SLCO3A1: variants seen among roughly 807,000 people sequenced by gnomAD.
The protein encoded by SLCO3A1 is solute carrier organic anion transporter family member 3A1.
Under a neutral mutation model 63.1 loss-of-function variants are expected in SLCO3A1, and 27 were observed. The observed-to-expected ratio is 0.43, with a 90% CI of 0.32 to 0.59. The LOEUF is 0.59. SLCO3A1 is among the 20% of genes least tolerant of loss of function. The probability of loss-of-function intolerance (pLI) is 0.09; values close to 1 mark genes in which losing one functional copy is unlikely to be tolerated. For missense variants in SLCO3A1, 773 were observed against 945.8 expected, an observed-to-expected ratio of 0.82 and a Z score of 2.40; for synonymous variants, 473 against 409.9, an observed-to-expected ratio of 1.15 and a Z score of -1.86.
intron 2 of SLCO3A1, among the ~76,000 whole-genome samples, chr15:92,091,479 A>T (rs2047475599): frequency 1.3e-5 from 2 of 152,220 alleles, no homozygotes; most frequent in Admixed American, 1.3e-4. Context: ...ACAGCCTGGC[A>T]GGATGAATTA....
rs796843750 is a variant in SLCO3A1, at chr15:92,022,117, T to C, written c.647-72764T>C. Among the ~76,000 whole-genome samples the C allele has an allele frequency of 5.3e-5, 8 of 152,318 alleles. No individual in the cohort carries two copies. The East Asian group carries it at 9.6e-4, about 18-fold the overall frequency. On this transcript the variant is annotated intron_variant, in intron 2 of 9. Transcript: ENST00000318445. ...ATCCTGATGAGCCTTTTAGGGGAGA[T>C]AAAACATCAGTAATATTCAAGTGAT...
intron 2 of SLCO3A1, among the ~76,000 whole-genome samples, chr15:92,044,250 G>A (rs187080973): frequency 3.3e-5 from 5 of 152,028 alleles, no homozygotes; most frequent in South Asian, 2.1e-4. Flanking sequence ...CCCTGCCTGC[G>A]TCTGCTCTTC....
At chr15:92,141,929 C>T (rs910513256) in intron 7 of SLCO3A1, among the ~76,000 whole-genome samples, 3 of 152,230 alleles carry the variant, frequency 2.0e-5, no homozygotes, top group African/African-American at 7.2e-5. Context: ...GGTTGCAGGG[C>T]TGCCCCAGCC....
intron 2 of SLCO3A1, among the ~76,000 whole-genome samples, chr15:92,067,213 C>T (rs537830896): frequency 5.9e-5 from 9 of 152,328 alleles, no homozygotes; most frequent in African/African-American, 9.6e-5. Flanking sequence ...GAGCCCTGTA[C>T]ACCATGCAGG....
At chr15:92,140,636 G>T (rs2048118798) in intron 7 of SLCO3A1, among the ~76,000 whole-genome samples, 1 of 152,138 alleles carries the variant, frequency 6.6e-6, no homozygotes, top group African/African-American at 2.4e-5. Context: ...AGGTCACTCA[G>T]GACTTGCTTT....
intron 2 of SLCO3A1, among the ~76,000 whole-genome samples, chr15:92,081,235 C>G (rs2047341569): frequency 6.6e-6 from 1 of 152,130 alleles, no homozygotes; most frequent in South Asian, 2.1e-4. Context: ...CCCCACCTCC[C>G]CTGCCCCCTT....
chr15:91,880,617 C>A (rs1035744908), intron 1 of SLCO3A1, among the ~76,000 whole-genome samples: 2 of 151,020 alleles, frequency 1.3e-5, no homozygotes, highest in Admixed American at 1.3e-4. Flanking sequence ...CAGCATGCAA[C>A]CTTTTGAGAT....
At chr15:92,144,104 TTC>T (rs2048188212) in intron 7 of SLCO3A1, among the ~76,000 whole-genome samples, 1 of 152,252 alleles carries the variant, frequency 6.6e-6, no homozygotes, top group African/African-American at 2.4e-5. Flanking sequence ...CCGTGTGACC[TTC>T]TGGGAGAAAT....
chr15:92,052,610 G>C (rs1369040084), intron 2 of SLCO3A1, among the ~76,000 whole-genome samples: 1 of 152,112 alleles, frequency 6.6e-6, no homozygotes, highest in Non-Finnish European at 1.5e-5. Flanking sequence ...ACAGGATTCA[G>C]TGTTAAAATG....
intron 2 of SLCO3A1, among the ~76,000 whole-genome samples, chr15:92,007,777 T>C (rs7179718): frequency 0.2 from 29,963 of 152,044 alleles, 3,312 homozygotes; most frequent in East Asian, 0.38. Flanking sequence ...ATTATTAAAA[T>C]AATCCCCAAA....
At position 91,854,190 on chromosome 15, in the gene SLCO3A1, G is replaced by T. The variant is rs930835563; in HGVS notation, c.180+102G>T. The T allele has an allele frequency of 5.1e-6, 6 of 1,187,018 alleles. No homozygotes were observed. The African/African-American group carries it at 6.5e-5, about 13-fold the overall frequency. The allele number at this position is 1,187,018 out of a possible 1,614,324, so 73.5% of individuals were successfully genotyped here. A position where few individuals can be genotyped will look rare whatever the true frequency, so the allele number is the denominator to read the frequency against. On this transcript the variant is annotated intron_variant, in intron 1 of 9. Coordinates refer to ENST00000318445, the MANE Select transcript of SLCO3A1 (RefSeq NM_013272.4). This position sits in a 1 kb window ranked among gnomAD's most constrained non-coding sequence, Gnocchi z 6.4. ...GGCCGCCCGGCGCTGGGGGCAGGCG[G>T]GCATGACCTCGGCCCGGCGTGGAGG...
chr15:92,030,700 G>T (rs1286710988), intron 2 of SLCO3A1, among the ~76,000 whole-genome samples: 1 of 152,124 alleles, frequency 6.6e-6, no homozygotes, highest in Non-Finnish European at 1.5e-5. Flanking sequence ...CATGCTCTAG[G>T]TCCCACCCCA....
At chr15:91,903,881 GTTGAA>G (rs762551387) in intron 1 of SLCO3A1, among the ~76,000 whole-genome samples, 3 of 152,346 alleles carry the variant, frequency 2.0e-5, no homozygotes, top group East Asian at 3.9e-4. Context: ...AAAGGTGATT[GTTGAA>G]TTGAAGTTGT....
intron 7 of SLCO3A1, among the ~76,000 whole-genome samples, chr15:92,133,156 C>T (rs2048016647): frequency 6.9e-6 from 1 of 145,980 alleles, no homozygotes; most frequent in Non-Finnish European, 1.5e-5. Context: ...CCTCCCCAGC[C>T]ACAAGTTCCG....
At chr15:92,060,504 G>GT (rs748865613) in intron 2 of SLCO3A1, among the ~76,000 whole-genome samples, 9,550 of 143,008 alleles carry the variant, frequency 0.067, 451 homozygotes, top group African/African-American at 0.14. Context: ...AGTGAGCCGA[G>GT]TTTTTTTTTT....
At chr15:92,115,634 C>A (rs937156093) in intron 4 of SLCO3A1, among the ~76,000 whole-genome samples, 1 of 151,932 alleles carries the variant, frequency 6.6e-6, no homozygotes, top group East Asian at 1.9e-4. Context: ...TCTACTAAAG[C>A]CTTGAAGCCA....
At chr15:92,030,627 T>A (rs998813579) in intron 2 of SLCO3A1, among the ~76,000 whole-genome samples, 14 of 152,172 alleles carry the variant, frequency 9.2e-5, no homozygotes, top group Admixed American at 2.0e-4. Flanking sequence ...AATCTTCAGG[T>A]CATCTTTTCT....
chr15:92,016,241 A>ATAAATAGATAGAT (rs2046428843), intron 2 of SLCO3A1, among the ~76,000 whole-genome samples: 1 of 53,536 alleles, frequency 1.9e-5, no homozygotes, highest in African/African-American at 1.1e-4. Flanking sequence ...AGATAGATAG[A>ATAAATAGATAGAT]TAGATAGATA....
chr15:92,057,349 A>G (rs1361256004), intron 2 of SLCO3A1, among the ~76,000 whole-genome samples: 3 of 152,230 alleles, frequency 2.0e-5, no homozygotes, highest in Non-Finnish European at 4.4e-5. Context: ...AGATTACTGT[A>G]TTCGTTTTCT....
Sources: gnomAD v4.1 joint callset for allele counts (sites outside exome capture counted in the v4.1 genomes callset) on GRCh38, gnomAD v4.1.1 for gene constraint, Gnocchi (gnomAD v3.1) non-coding constraint, MANE v1.5 for transcripts, NCBI Gene and HGNC (gene_info 2026-07-23, HGNC 2026-07-21) for gene names.